The following LMF1 variants were observed in gnomAD, a reference collection of about 807,000 sequenced individuals.
LMF1 encodes the protein transmembrane protein 112.
Under a neutral mutation model 60.6 loss-of-function variants are expected in LMF1, and 68 were observed. The ratio of observed to expected loss-of-function variants is 1.12; its 90% CI spans 0.92 to 1.37. The LOEUF (loss-of-function observed/expected upper bound fraction) is 1.37, where lower values mean the gene tolerates loss of function less well. Among genes scored for constraint, LMF1 ranks in the 40% most tolerant of loss-of-function variants. The pLI is 0.00. For synonymous variants in LMF1, 418 were observed against 324.7 expected (o/e 1.29, Z -3.09); for missense variants, 948 against 767.2 (o/e 1.24, Z -2.78).
At chr16:869,712 G>T (rs1023298892) in intron 9 of LMF1, among the ~76,000 whole-genome samples, 171 bp downstream of exon 9, 1 of 152,184 alleles carries the variant, frequency 6.6e-6, no homozygotes, top group Non-Finnish European at 1.5e-5. Flanking sequence ...CCCTCCTAAG[G>T]CTGGGCCTGG....
chr16:873,393 C>G (rs540580609), intron 6 of LMF1: 7 of 152,428 alleles, frequency 4.6e-5, no homozygotes, highest in African/African-American at 9.6e-5. Context: ...CGAGGGGGTC[C>G]CCAAGGCCGG....
At position 879,711 on chromosome 16, in the gene LMF1, C is replaced by G. The variant is rs2076425; in HGVS notation, c.756G>C (p.Ala252=). ...YETQPMPNPV[A]YYLHHSPWWF... is the part of the protein sequence containing the mutation. ...ACCAGGGTGAGTGGTGCAGGTAGTA[C>G]GCCACAGGATTGGGCATCGGCTGGG... Residue 252 remains alanine (A), a synonymous_variant, in exon 6 of 11, where the codon GCG becomes GCC. Transcript: ENST00000262301. 6.3e-7 allele frequency: 1 copy of G among 1,597,800 alleles called. No homozygotes were observed. Among genetic ancestry groups the G allele is most frequent in the South Asian group, 1.1e-5 (1 of 88,184 alleles).
At chr16:913,056 C>T (rs912496754) in intron 3 of LMF1, among the ~76,000 whole-genome samples, 1 of 152,226 alleles carries the variant, frequency 6.6e-6, no homozygotes, top group African/African-American at 2.4e-5. Context: ...GGGAGAGGAG[C>T]CGTCCTCGCC....
chr16:917,423 C>T (rs1397899073), intron 3 of LMF1, among the ~76,000 whole-genome samples: 10 of 143,260 alleles, frequency 7.0e-5, no homozygotes, highest in Non-Finnish European at 1.1e-4. Context: ...AAATGCCACA[C>T]GTGTGCGCTG....
intron 3 of LMF1, chr16:931,892 A>G: frequency 1.0e-6 from 1 of 970,014 alleles, no homozygotes; most frequent in South Asian, 1.5e-5. Flanking sequence ...GAGTCCCTAC[A>G]ATTACCACCT....
At chr16:915,161 G>A (rs181657214) in intron 3 of LMF1, among the ~76,000 whole-genome samples, 8 of 152,308 alleles carry the variant, frequency 5.3e-5, no homozygotes, top group East Asian at 1.9e-4. Flanking sequence ...CCCTAGATCC[G>A]CCTCTGCAGA....
chr16:973,755 C>T (rs2073087367), upstream of LMF1, among the ~76,000 whole-genome samples: 1 of 152,180 alleles, frequency 6.6e-6, no homozygotes, highest in Non-Finnish European at 1.5e-5. Flanking sequence ...AATCCCAGCA[C>T]TTTGGGAGGC....
At chr16:973,573 C>T (rs753189415), upstream of LMF1, among the ~76,000 whole-genome samples, 13 of 152,124 alleles carry the variant, frequency 8.5e-5, no homozygotes, top group Non-Finnish European at 1.6e-4. Context: ...GGGGGTAGGA[C>T]GTTTTCTTTT....
At chr16:965,161 C>G (rs1334253407) in intron 1 of LMF1, among the ~76,000 whole-genome samples, 1 of 152,248 alleles carries the variant, frequency 6.6e-6, no homozygotes, top group Non-Finnish European at 1.5e-5. Flanking sequence ...GGGATCACAG[C>G]CAAGCGGTGG....
Position 874,529 on chromosome 16 carries a change from G to C in LMF1, c.898-3188C>G, listed in dbSNP as rs953862538. ...TGCTGGCTGGGCGGCCGGGCTCTGC[G>C]GTCACTGCTCTTGTGCACCTCTCCA... is the stretch of plus-strand genomic sequence containing the variant. On this transcript the variant is annotated intron_variant, in intron 6 of 10. Coordinates refer to ENST00000262301, the MANE Select transcript of LMF1 (RefSeq NM_022773.4). This position sits in a 1 kb window ranked among gnomAD's most constrained non-coding sequence, Gnocchi z 4.1. 1.3e-5 allele frequency among the ~76,000 whole-genome samples: 2 copies of C among 152,192 alleles called. No homozygotes were observed. Among genetic ancestry groups the C allele is most frequent in the African/African-American group, 4.8e-5 (2 of 41,456 alleles).
chr16:901,434 C>T (rs2151742917), intron 4 of LMF1: 1 of 152,374 alleles, frequency 6.6e-6, no homozygotes, highest in African/African-American at 2.4e-5. Flanking sequence ...CCACCCCCGC[C>T]CTGAGATGCC....
chr16:895,775 G>C (rs568704786), intron 4 of LMF1, among the ~76,000 whole-genome samples: 1 of 152,332 alleles, frequency 6.6e-6, no homozygotes, highest in Non-Finnish European at 1.5e-5. Context: ...CAAGCAACAG[G>C]CACCCTGTTC....
chr16:888,597 G>C (rs2070380624), intron 5 of LMF1, among the ~76,000 whole-genome samples: 1 of 152,214 alleles, frequency 6.6e-6, no homozygotes. Flanking sequence ...ACAACCTGCT[G>C]TTGCATCCGC....
At chr16:954,257 T>C (rs2072607673) in intron 2 of LMF1, 100 bp downstream of exon 2, 1 of 1,232,226 alleles carries the variant, frequency 8.1e-7, no homozygotes, top group Admixed American at 2.0e-5. Context: ...GAATTTAAGA[T>C]AAACGCTCGT....
intron 4 of LMF1, among the ~76,000 whole-genome samples, chr16:894,580 G>A (rs1298364403): frequency 6.6e-6 from 1 of 152,206 alleles, no homozygotes. Flanking sequence ...AGAGAGGAAG[G>A]ACGGCCACCA....
intron 10 of LMF1, among the ~76,000 whole-genome samples, chr16:861,286 T>A (rs1312852862): frequency 6.6e-6 from 1 of 152,038 alleles, no homozygotes; most frequent in Non-Finnish European, 1.5e-5. Context: ...CGTACAGGAA[T>A]ACTATTGAAT....
chr16:920,413 C>T (rs1306676193), intron 3 of LMF1, among the ~76,000 whole-genome samples: 1 of 152,230 alleles, frequency 6.6e-6, no homozygotes, highest in Non-Finnish European at 1.5e-5. Context: ...CACAGAGCCT[C>T]GGAGGAAGGC....
chr16:930,622 C>A (rs191137681), intron 3 of LMF1, among the ~76,000 whole-genome samples: 1 of 152,224 alleles, frequency 6.6e-6, no homozygotes, highest in African/African-American at 2.4e-5. Flanking sequence ...ACACTAGCGA[C>A]GGGGGCTGTG....
chr16:906,545 C>T (rs1445128434), intron 4 of LMF1, among the ~76,000 whole-genome samples: 2 of 152,116 alleles, frequency 1.3e-5, no homozygotes, highest in Admixed American at 6.5e-5. Context: ...GACTCGGGAC[C>T]GGCTCTCCTT....
Sources: allele counts gnomAD v4.1 joint callset (sites outside exome capture counted in the v4.1 genomes callset), GRCh38; gene constraint gnomAD v4.1.1; non-coding constraint Gnocchi (gnomAD v3.1); transcripts MANE v1.5; gene names NCBI Gene and HGNC (gene_info 2026-07-23, HGNC 2026-07-21).